NRXN3: variants seen among roughly 807,000 people sequenced by gnomAD.
The protein encoded by NRXN3 is neurexin III.
A neutral mutation model predicts 137.6 loss-of-function variants in NRXN3; 32 were observed. The ratio of observed to expected loss-of-function variants is 0.23; its 90% confidence interval spans 0.18 to 0.31. The LOEUF is 0.31. Ranked by LOEUF, NRXN3 falls within the 10% of genes least tolerant of loss-of-function variation. The pLI is 1.00. For synonymous variants in NRXN3, 798 were observed against 784.5 expected (o/e 1.02, Z -0.29); for missense variants, 1,574 against 2,062.5 (o/e 0.76, Z 4.59).
chr14:79,211,099 A>G (rs1482869676), intron 15 of NRXN3, among the ~76,000 whole-genome samples: 9 of 152,272 alleles, frequency 5.9e-5, no homozygotes, highest in South Asian at 4.1e-4. Context: ...GCAGTTGTCA[A>G]TGGTCCAGGT....
chr14:78,608,617 G>C (rs1480654302), intron 4 of NRXN3, among the ~76,000 whole-genome samples: 1 of 152,122 alleles, frequency 6.6e-6, no homozygotes, highest in African/African-American at 2.4e-5. Flanking sequence ...GCCAGGAAGG[G>C]TATATATACA....
intron 20 of NRXN3, among the ~76,000 whole-genome samples, chr14:79,837,984 C>T (rs1190289845): frequency 6.6e-6 from 1 of 152,094 alleles, no homozygotes. Flanking sequence ...GTGGTAATGA[C>T]CTGCCTCTAT....
intron 15 of NRXN3, among the ~76,000 whole-genome samples, chr14:79,226,357 A>G (rs2070868844): frequency 6.6e-6 from 1 of 152,256 alleles, no homozygotes; most frequent in Non-Finnish European, 1.5e-5. Context: ...AATATTTGAT[A>G]TAAGAACATC....
chr14:78,269,170 A>G (rs768306653), intron 2 of NRXN3, among the ~76,000 whole-genome samples: 2 of 152,246 alleles, frequency 1.3e-5, no homozygotes, highest in Non-Finnish European at 2.9e-5. Flanking sequence ...AAAGTCACAC[A>G]GCTAGTAGGA....
intron 15 of NRXN3, among the ~76,000 whole-genome samples, chr14:79,010,181 ATTGC>A (rs1365536528): frequency 6.6e-6 from 1 of 152,170 alleles, no homozygotes; most frequent in Non-Finnish European, 1.5e-5. Flanking sequence ...GTTGTAGTAG[ATTGC>A]TTGATTGGTC....
At chr14:78,693,785 C>T (rs547274343) in intron 6 of NRXN3, among the ~76,000 whole-genome samples, 2 of 150,668 alleles carry the variant, frequency 1.3e-5, no homozygotes, top group African/African-American at 2.4e-5. Context: ...AACCTGACCT[C>T]GTCACTCTTC....
At chr14:78,682,265 C>T (rs563513608) in intron 6 of NRXN3, among the ~76,000 whole-genome samples, 1 of 152,160 alleles carries the variant, frequency 6.6e-6, no homozygotes, top group South Asian at 2.1e-4. Context: ...GATTCTGTTC[C>T]TATTGTCTGT....
At chr14:78,637,544 T>C (rs1295133824) in intron 4 of NRXN3, among the ~76,000 whole-genome samples, 1 of 152,246 alleles carries the variant, frequency 6.6e-6, no homozygotes. Flanking sequence ...ACAGCAACTC[T>C]ATGAAATATG....
At chr14:79,614,385 CT>C (rs11326859) in intron 16 of NRXN3, among the ~76,000 whole-genome samples, 50,295 of 150,828 alleles carry the variant, frequency 0.33, 11,133 homozygotes, top group African/African-American at 0.64. Context: ...CCTTCATGAA[CT>C]TTTTTTTTTC....
chr14:79,434,476 GA>G (rs1303612608), intron 15 of NRXN3, among the ~76,000 whole-genome samples: 1 of 152,174 alleles, frequency 6.6e-6, no homozygotes, highest in Non-Finnish European at 1.5e-5. Context: ...AGTGGGTCAG[GA>G]AAGCAAAAAG....
chr14:79,219,470 G>A (rs1232185196), intron 15 of NRXN3, among the ~76,000 whole-genome samples: 2 of 152,056 alleles, frequency 1.3e-5, no homozygotes, highest in African/African-American at 4.8e-5. Context: ...ATTACCATTA[G>A]TACAATGTGG....
At position 79,631,331 on chromosome 14, in the gene NRXN3, C is replaced by A. The variant is rs187738442; in HGVS notation, c.3445-32447C>A. Among the ~76,000 whole-genome samples the A allele has an allele frequency of 1.5e-3, 229 of 152,388 alleles. 1 individual carries two copies. The highest frequency in any genetic ancestry group is 5.2e-3 in the African/African-American group (216 of 41,602). Reference sequence around the variant, plus strand: ...AGCAGCCCTCGCTCGCTCTTGGCGCCTCCTCGGCCTCAGCGTCTGCTCTGG... The same window carrying A: ...AGCAGCCCTCGCTCGCTCTTGGCGCATCCTCGGCCTCAGCGTCTGCTCTGG... On this transcript the variant is annotated intron_variant, in intron 16 of 20. Coordinates refer to ENST00000335750, the MANE Select transcript of NRXN3 (RefSeq NM_001330195.2).
At chr14:79,759,081 T>C (rs2099029732) in intron 19 of NRXN3, among the ~76,000 whole-genome samples, 2 of 152,188 alleles carry the variant, frequency 1.3e-5, no homozygotes, top group African/African-American at 4.8e-5. Context: ...TACCATGTAA[T>C]AAGATTTTTT....
At chr14:79,012,157 G>A (rs1197972383) in intron 15 of NRXN3, among the ~76,000 whole-genome samples, 1 of 152,166 alleles carries the variant, frequency 6.6e-6, no homozygotes, top group Non-Finnish European at 1.5e-5. Context: ...ACTATGTGCT[G>A]AGCAGGTGCA....
At chr14:79,262,724 C>A (rs2077822142) in intron 15 of NRXN3, among the ~76,000 whole-genome samples, 1 of 152,194 alleles carries the variant, frequency 6.6e-6, no homozygotes, top group Non-Finnish European at 1.5e-5. Flanking sequence ...CCTGTAAGTG[C>A]TGCACACATA....
intron 8 of NRXN3, among the ~76,000 whole-genome samples, chr14:78,791,532 C>A (rs1254094133): frequency 6.6e-6 from 1 of 152,058 alleles, no homozygotes. Context: ...TTACTAATAT[C>A]CTTATATATG....
chr14:78,297,932 G>A (rs1349264952), intron 4 of NRXN3, 72 bp downstream of exon 4: 3 of 1,523,868 alleles, frequency 2.0e-6, no homozygotes, highest in East Asian at 2.5e-5. Flanking sequence ...TGGTCACAGA[G>A]CCTCATCGTC....
intron 10 of NRXN3, among the ~76,000 whole-genome samples, chr14:78,841,217 T>C (rs752018407): frequency 6.6e-6 from 1 of 152,184 alleles, no homozygotes; most frequent in Non-Finnish European, 1.5e-5. Flanking sequence ...CTTAGAATTA[T>C]TAAGAAGTGT....
intron 15 of NRXN3, among the ~76,000 whole-genome samples, chr14:79,213,942 C>T (rs1050100086): frequency 6.6e-6 from 1 of 152,202 alleles, no homozygotes; most frequent in Middle Eastern, 3.2e-3. Flanking sequence ...AGAGATCAGT[C>T]ATACAGACGT....
Sources: gnomAD v4.1 joint callset for allele counts (sites outside exome capture counted in the v4.1 genomes callset) on GRCh38, gnomAD v4.1.1 for gene constraint, MANE v1.5 for transcripts, NCBI Gene and HGNC (gene_info 2026-07-23, HGNC 2026-07-21) for gene names.